RIPOR2: variants seen among roughly 807,000 people sequenced by gnomAD.
The protein encoded by RIPOR2 is RHO family interacting cell polarization regulator 2.
Under a neutral mutation model 114.5 loss-of-function variants are expected in RIPOR2, and 39 were observed. The observed-to-expected ratio is 0.34, with a 90% CI of 0.26 to 0.44. The LOEUF (loss-of-function observed/expected upper bound fraction) is 0.44, where lower values mean the gene tolerates loss of function less well. RIPOR2 is among the 20% of genes least tolerant of loss of function. RIPOR2 has a pLI of 1.00. For missense variants in RIPOR2, 1,007 were observed against 1,255.1 expected, an observed-to-expected ratio of 0.80 and a Z score of 2.99; for synonymous variants, 445 against 484.4, an observed-to-expected ratio of 0.92 and a Z score of 1.07.
chr6:25,011,919 G>A (rs1217219460), intron 1 of RIPOR2, among the ~76,000 whole-genome samples: 6 of 152,216 alleles, frequency 3.9e-5, no homozygotes, highest in Non-Finnish European at 2.9e-5. Flanking sequence ...TATTTCAAAA[G>A]ACACTAGTAA....
upstream of RIPOR2, among the ~76,000 whole-genome samples, chr6:24,940,168 T>C (rs753196666): frequency 2.0e-5 from 3 of 152,078 alleles, no homozygotes; most frequent in Non-Finnish European, 4.4e-5. Context: ...GAGGCTATAA[T>C]AATTAATAAT....
At chr6:24,868,511 C>A (rs1290271780) in intron 6 of RIPOR2, among the ~76,000 whole-genome samples, 2 of 152,110 alleles carry the variant, frequency 1.3e-5, no homozygotes, top group Non-Finnish European at 2.9e-5. Context: ...TGATAGTCAG[C>A]CTCATTGGAC....
chr6:25,024,134 G>A, intron 1 of RIPOR2: 1 of 919,882 alleles, frequency 1.1e-6, no homozygotes, highest in Admixed American at 1.8e-5. Flanking sequence ...TCCCCTTACC[G>A]GTGGCGCCGC....
At chr6:24,992,568 G>C (rs535019439) in intron 1 of RIPOR2, among the ~76,000 whole-genome samples, 1 of 152,220 alleles carries the variant, frequency 6.6e-6, no homozygotes, top group African/African-American at 2.4e-5. Context: ...AAAGAAATCA[G>C]AGAAGACACA....
At chr6:24,856,010 G>A (rs570572227) in intron 8 of RIPOR2, among the ~76,000 whole-genome samples, 2 of 152,272 alleles carry the variant, frequency 1.3e-5, no homozygotes, top group South Asian at 2.1e-4. Flanking sequence ...GTGACAGAGC[G>A]AGACCCTCGA....
intron 1 of RIPOR2, among the ~76,000 whole-genome samples, chr6:24,882,595 G>A (rs1766451970): frequency 6.6e-6 from 1 of 152,210 alleles, no homozygotes; most frequent in Non-Finnish European, 1.5e-5. Flanking sequence ...ACAGAAAGTA[G>A]AAAGGAGGCA....
intron 1 of RIPOR2, among the ~76,000 whole-genome samples, chr6:24,906,663 G>T: frequency 6.6e-6 from 1 of 152,022 alleles, no homozygotes; most frequent in East Asian, 1.9e-4. Flanking sequence ...TTTCTTAAGG[G>T]TCTCACTCTG....
chr6:24,981,892 T>G (rs1774311594), intron 1 of RIPOR2, among the ~76,000 whole-genome samples: 1 of 152,238 alleles, frequency 6.6e-6, no homozygotes, highest in Admixed American at 6.5e-5. Flanking sequence ...ATGCTAATTA[T>G]GTTTATTTAC....
intron 1 of RIPOR2, among the ~76,000 whole-genome samples, chr6:25,000,864 T>G (rs1775279086): frequency 6.6e-6 from 1 of 152,220 alleles, no homozygotes; most frequent in Non-Finnish European, 1.5e-5. Flanking sequence ...GAGAAATGCT[T>G]TCTCCAGAGA....
intron 1 of RIPOR2, among the ~76,000 whole-genome samples, chr6:24,966,927 A>G (rs187837984): frequency 5.4e-4 from 82 of 152,348 alleles, no homozygotes; most frequent in African/African-American, 1.8e-3. Flanking sequence ...CTTTATGGCA[A>G]GTCCTTCAAG....
rs1416615015 is a variant in RIPOR2 at position 24,825,366 on chromosome 6, G to A, written c.2728C>T (p.Leu910Phe). The A allele has an allele frequency of 6.4e-7, 1 of 1,552,092 alleles. No individual in the cohort carries two copies. The highest frequency in any genetic ancestry group is 1.2e-5 in the South Asian group (1 of 84,058). Residue 910 changes from leucine (L) to phenylalanine (F), a missense_variant, in exon 19 of 22, where the codon CTT becomes TTT. Physicochemically the swap from Leu to Phe is conservative, Grantham distance 22. Coordinates refer to ENST00000643898, the MANE Select transcript of RIPOR2 (RefSeq NM_001286445.3). ...TGGGCCAGGAGGTTGCTGGGAGCAA[G>A]GTCACTCATGGTTTGTAGCAGTTTT... ...DEKLLQTMSD[L>F]APSNLLAQQE...
chr6:24,865,797 G>C (rs1764544506), intron 6 of RIPOR2, among the ~76,000 whole-genome samples: 2 of 152,100 alleles, frequency 1.3e-5, no homozygotes, highest in South Asian at 2.1e-4. Flanking sequence ...AGAGCTTTCT[G>C]TAAGTATTAA....
At chr6:24,983,399 G>T (rs1774385581) in intron 1 of RIPOR2, among the ~76,000 whole-genome samples, 1 of 152,066 alleles carries the variant, frequency 6.6e-6, no homozygotes, top group South Asian at 2.1e-4. Context: ...TCTGATCTGG[G>T]TTCTAATTAT....
chr6:24,828,362 T>C, intron 17 of RIPOR2, 67 bp from the exon 18 acceptor site: 1 of 1,268,692 alleles, frequency 7.9e-7, no homozygotes, highest in Non-Finnish European at 1.0e-6. Context: ...ATTCATTCAA[T>C]AATTTTTATT....
In RIPOR2 at chr6:25,029,734, C is replaced by T. The variant is rs1581982230; in HGVS notation, c.76+12117G>A. ...TTCTCATCTTAAAAAAACCAGATAT[C>T]TTCATTTTGTAACTGCTGTGGGGAA... On this transcript the variant is annotated intron_variant, in intron 1 of 13. Transcript: ENST00000510784. Among the ~76,000 whole-genome samples the T allele has an allele frequency of 3.3e-5, 5 of 152,258 alleles. No homozygotes were observed. In the South Asian group the frequency reaches 1.0e-3, roughly 32 times the overall value.
At chr6:24,927,023 CATGATTATTATAATCATCATCTCACT>C (rs1561781919) in intron 1 of RIPOR2, among the ~76,000 whole-genome samples, 18 of 604 alleles carry the variant, frequency 0.03, no homozygotes, top group South Asian at 0.083. Flanking sequence ...CCACCACCAC[CATGATTATTATAATCATCATCTCACT>C]ACCACCACCA....
Position 25,037,328 on chromosome 6 carries a change from A to G in RIPOR2, c.76+4523T>C. ...TCGCCCACCCCAACTGTGGCAGACT[A>G]AAGGAAAGAAAGGCTCTCGGGGCAT... On this transcript the variant is annotated intron_variant, in intron 1 of 13. Transcript: ENST00000510784. The surrounding 1 kb of genome is among the most constrained non-coding windows in gnomAD (Gnocchi z 4.5). 6.6e-6 allele frequency among the ~76,000 whole-genome samples: 1 copy of G among 152,140 alleles called. No individual in the cohort carries two copies. The highest frequency in any genetic ancestry group is 2.1e-4 in the South Asian group (1 of 4,824).
intron 12 of RIPOR2, chr6:24,847,449 A>G: frequency 7.5e-7 from 1 of 1,330,420 alleles, no homozygotes; most frequent in African/African-American, 1.5e-5. Flanking sequence ...CCCAGTGAGC[A>G]AGACAGAGAA....
chr6:24,866,906 G>T (rs1199959877), intron 6 of RIPOR2, among the ~76,000 whole-genome samples: 1 of 152,134 alleles, frequency 6.6e-6, no homozygotes, highest in Non-Finnish European at 1.5e-5. Context: ...AGAAGGTGGA[G>T]ATGCATATAC....
Sources: allele counts gnomAD v4.1 joint callset (sites outside exome capture counted in the v4.1 genomes callset), GRCh38; gene constraint gnomAD v4.1.1; non-coding constraint Gnocchi (gnomAD v3.1); transcripts MANE v1.5; gene names NCBI Gene and HGNC (gene_info 2026-07-23, HGNC 2026-07-21).